The following TINAG variants were observed in gnomAD, a reference collection of about 807,000 sequenced individuals.
TINAG encodes the protein tubulointerstitial nephritis antigen.
A neutral mutation model predicts 72.7 loss-of-function variants in TINAG; 83 were observed. That is an observed-to-expected ratio of 1.14 (90% CI 0.96 to 1.37). The LOEUF (loss-of-function observed/expected upper bound fraction) is 1.37, where lower values mean the gene tolerates loss of function less well. Ranked by LOEUF, TINAG falls within the 40% of genes most tolerant of loss-of-function variation. TINAG has a pLI of 0.00. For missense variants in TINAG, 685 were observed against 576.6 expected (o/e 1.19, Z -1.93); for synonymous variants, 234 against 189.9 (o/e 1.23, Z -1.91).
intron 6 of TINAG, among the ~76,000 whole-genome samples, chr6:54,347,808 G>A (rs1422773846): frequency 6.6e-6 from 1 of 152,050 alleles, no homozygotes; most frequent in African/African-American, 2.4e-5. Context: ...TGAGCCAAGT[G>A]AGTCCCCACA....
chr6:54,374,999 C>T (rs929037748), intron 9 of TINAG, among the ~76,000 whole-genome samples: 14 of 151,992 alleles, frequency 9.2e-5, no homozygotes, highest in African/African-American at 3.4e-4. Flanking sequence ...CTATTGGGTA[C>T]GTGCAGAGAC....
At chr6:54,327,930 G>C (rs527565964) in intron 4 of TINAG, among the ~76,000 whole-genome samples, 11 of 152,130 alleles carry the variant, frequency 7.2e-5, no homozygotes, top group African/African-American at 2.7e-4. Flanking sequence ...CCTCCTGTCT[G>C]GGCAGGGCAT....
At chr6:54,340,307 A>C (rs898833811) in intron 4 of TINAG, among the ~76,000 whole-genome samples, 1 of 152,124 alleles carries the variant, frequency 6.6e-6, no homozygotes, top group Non-Finnish European at 1.5e-5. Context: ...GTCTTTCTTA[A>C]AAATGAATTT....
chr6:54,386,064 G>A (rs1276396445), intron 10 of TINAG, among the ~76,000 whole-genome samples: 3 of 151,558 alleles, frequency 2.0e-5, no homozygotes, highest in South Asian at 4.2e-4. Context: ...GCTAATATTC[G>A]TATTTTTGGT....
upstream of TINAG, chr6:54,307,891 G>T: frequency 1.5e-6 from 1 of 670,920 alleles, no homozygotes. Flanking sequence ...GACTCAGGTG[G>T]AGAGAACTAA....
Position 54,349,811 on chromosome 6 carries a change from G to T in TINAG, c.995G>T (p.Arg332Leu). 6.2e-7 allele frequency: 1 copy of T among 1,610,496 alleles called. No individual in the cohort carries two copies. The highest frequency in any genetic ancestry group is 1.1e-5 in the South Asian group (1 of 90,690). The part of the protein sequence containing the change: ...MASRSDGRGK[R>L]HATKPCPNNV... ...AGCAGGTCTGATGGGCGAGGAAAAC[G>T]GCATGCCACGAAGCCATGTCCCAAC... Residue 332 changes from arginine to leucine, a missense_variant, in exon 7 of 11, where the codon CGG becomes CTG. Physicochemically the swap from Arg to Leu is moderately radical, Grantham distance 102. Transcript: ENST00000259782.
intron 9 of TINAG, among the ~76,000 whole-genome samples, chr6:54,373,258 C>T (rs953962932): frequency 6.6e-6 from 1 of 152,024 alleles, no homozygotes; most frequent in African/African-American, 2.4e-5. Context: ...CTATGGCTGC[C>T]TACAATCCCT....
At chr6:54,337,759 C>A (rs929825143) in intron 4 of TINAG, among the ~76,000 whole-genome samples, 2 of 152,044 alleles carry the variant, frequency 1.3e-5, no homozygotes, top group African/African-American at 4.8e-5. Context: ...TGTTTAGCTC[C>A]CACACACATG....
chr6:54,332,878 A>G (rs1202249652), intron 4 of TINAG, among the ~76,000 whole-genome samples: 1 of 152,230 alleles, frequency 6.6e-6, no homozygotes, highest in Non-Finnish European at 1.5e-5. Flanking sequence ...GCTCATCATC[A>G]CTGGTCATCA....
At chr6:54,333,628 A>T (rs1185171269) in intron 4 of TINAG, among the ~76,000 whole-genome samples, 3 of 151,908 alleles carry the variant, frequency 2.0e-5, no homozygotes, top group African/African-American at 4.8e-5. Flanking sequence ...AAAAAAAAAA[A>T]AATAAAATAA....
At chr6:54,332,086 T>C (rs557094959) in intron 4 of TINAG, among the ~76,000 whole-genome samples, 7 of 152,126 alleles carry the variant, frequency 4.6e-5, no homozygotes, top group Non-Finnish European at 2.9e-5. Context: ...CAAGCTACCA[T>C]GGACTTTCTT....
At chr6:54,310,787 CTT>C (rs1033332897) in intron 1 of TINAG, among the ~76,000 whole-genome samples, 4 of 142,664 alleles carry the variant, frequency 2.8e-5, no homozygotes, top group Admixed American at 2.2e-4. Flanking sequence ...CTTTCTTTCT[CTT>C]TCTTTTTTCT....
chr6:54,343,066 A>T lies in TINAG; in HGVS notation c.625-160A>T, dbSNP rs539813601. Among the ~76,000 whole-genome samples, 32 of 152,340 alleles carry T rather than the reference A, an allele frequency of 2.1e-4. 1 individual carries two copies. The South Asian group carries it at 2.7e-3, about 13-fold the overall frequency. On this transcript the variant is annotated intron_variant, in intron 4 of 10. Coordinates refer to ENST00000259782, the MANE Select transcript of TINAG (RefSeq NM_014464.4). ...CCATATTGAATTGTCATTTTTAACC[A>T]TAGAGTGAAATATAAATCCCACATA...
chr6:54,372,781 C>A (rs1182086067), intron 9 of TINAG, among the ~76,000 whole-genome samples: 1 of 123,344 alleles, frequency 8.1e-6, no homozygotes, highest in Non-Finnish European at 1.7e-5. Context: ...TACACACACA[C>A]ACACATATAC....
intron 1 of TINAG, among the ~76,000 whole-genome samples, chr6:54,314,319 C>T (rs1335594717): frequency 6.6e-6 from 1 of 152,102 alleles, no homozygotes; most frequent in East Asian, 1.9e-4. Context: ...TCATGAGCTG[C>T]TTTGGCTCTT....
chr6:54,319,192 C>T (rs1784436582), intron 1 of TINAG, among the ~76,000 whole-genome samples: 1 of 152,140 alleles, frequency 6.6e-6, no homozygotes, highest in African/African-American at 2.4e-5. Context: ...ATCCCACACT[C>T]TCAGTTTTTA....
intron 4 of TINAG, among the ~76,000 whole-genome samples, chr6:54,336,040 T>C (rs1382281299): frequency 6.6e-6 from 1 of 152,072 alleles, no homozygotes; most frequent in African/African-American, 2.4e-5. Context: ...AGCTCTTTCC[T>C]TCCCTGGCTG....
chr6:54,362,257 A>G (rs796804427), intron 9 of TINAG, among the ~76,000 whole-genome samples: 27 of 151,800 alleles, frequency 1.8e-4, no homozygotes, highest in African/African-American at 6.5e-4. Context: ...GCTTCAAAGG[A>G]CAGGCTGACT....
intron 4 of TINAG, among the ~76,000 whole-genome samples, chr6:54,332,609 T>C (rs1430076968): frequency 5.9e-5 from 9 of 152,060 alleles, no homozygotes; most frequent in Non-Finnish European, 1.5e-5. Flanking sequence ...AAAGCCAAAA[T>C]AGACAAATGG....
Sources: gnomAD v4.1 joint callset for allele counts (sites outside exome capture counted in the v4.1 genomes callset) on GRCh38, gnomAD v4.1.1 for gene constraint, MANE v1.5 for transcripts, NCBI Gene and HGNC (gene_info 2026-07-23, HGNC 2026-07-21) for gene names.